The following IFT122 variants were observed in gnomAD, a reference collection of about 807,000 sequenced individuals.
IFT122 encodes the protein intraflagellar transport protein 122 homolog.
A neutral mutation model predicts 161.6 loss-of-function variants in IFT122; 118 were observed. That is an observed-to-expected ratio of 0.73 (90% CI 0.63 to 0.85). The LOEUF (loss-of-function observed/expected upper bound fraction) is 0.85, where lower values mean the gene tolerates loss of function less well. Among genes scored for constraint, IFT122 ranks in the 40% least tolerant of loss-of-function variants. IFT122 has a pLI of 0.00. For missense variants in IFT122, 1,381 were observed against 1,579.6 expected, an observed-to-expected ratio of 0.87 and a Z score of 2.13; for synonymous variants, 550 against 602.4, an observed-to-expected ratio of 0.91 and a Z score of 1.27.
chr3:129,447,118 C>T (rs918770547), intron 1 of IFT122, among the ~76,000 whole-genome samples: 14 of 152,138 alleles, frequency 9.2e-5, no homozygotes, highest in African/African-American at 3.1e-4. Context: ...ATTTTGATTA[C>T]TTGTGTTGGC....
rs1249994771 is a variant in IFT122, at chr3:129,440,390, C to T, written c.41+19C>T. 6.5e-6 allele frequency: 10 copies of T among 1,549,876 alleles called. No individual in the cohort carries two copies. In the East Asian group the frequency reaches 2.2e-4, roughly 34 times the overall value. On this transcript the variant is annotated intron_variant, in intron 1 of 29. Transcript: ENST00000348417. ...AGCACTGGTGAGGAGCGGGGCGGTT[C>T]GCGAAGAGCAGGAGGTCGAGTCCTC...
Position 129,458,649 on chromosome 3 carries a change from T to C in IFT122, c.244T>C (p.Ser82Pro). 1.9e-6 allele frequency: 3 copies of C among 1,613,972 alleles called. No individual in the cohort carries two copies. The highest frequency in any genetic ancestry group is 2.5e-6 in the Non-Finnish European group (3 of 1,179,830). Residue 82 changes from serine (S) to proline (P), a missense_variant, in exon 4 of 30, where the codon TCA becomes CCA. Physicochemically the swap from Ser to Pro is moderately conservative, Grantham distance 74. Around this residue, in one of 7 missense-constraint regions of IFT122, gnomAD observed 134 missense variants for 137.4 expected, o/e 0.98. Transcript: ENST00000348417. ...SADKSVIIWT[S>P]KLEGILKYTH... ...TGACAAAAGCGTTATTATCTGGACA[T>C]CAAAACTGGAAGGCATTCTGAAGTA...
chr3:129,456,158 C>A, intron 3 of IFT122: 1 of 903,202 alleles, frequency 1.1e-6, no homozygotes, highest in Non-Finnish European at 1.6e-6. Flanking sequence ...TGCAGCTGGT[C>A]AGTGAGATCT....
chr3:129,449,879 A>C lies in IFT122; in HGVS notation c.50A>C (p.Asp17Ala). 6.2e-7 allele frequency: 1 copy of C among 1,611,354 alleles called. No individual in the cohort carries two copies. The highest frequency in any genetic ancestry group is 1.1e-5 in the South Asian group (1 of 91,016). The change falls in exon 2 of 30, where the codon GAC becomes GCC. Residue 17 changes from aspartate to alanine, a missense_variant. Asp to Ala is a moderately radical substitution (Grantham distance 126, BLOSUM62 -2). Transcript: ENST00000348417. ...CCTTGTCTTCTGTTCAGTATAAATGACATCGCATTTAAGCCTGATGGAACT... is the reference window on the plus strand; with the variant it reads ...CCTTGTCTTCTGTTCAGTATAAATGCCATCGCATTTAAGCCTGATGGAACT... ...WRDKAEHCIN[D>A]IAFKPDGTQL... is the part of the protein sequence containing the mutation.
rs377100732 is a variant in IFT122 at position 129,520,273 on chromosome 3, C to T, written c.*8C>T. 225 of 1,604,570 alleles carry T rather than the reference C, an allele frequency of 1.4e-4. No homozygotes were observed. The highest frequency in any genetic ancestry group is 1.9e-4 in the Non-Finnish European group (220 of 1,178,078). ...GATGACCCTGGCCCATGACCAGCATCCTGGGGACGGCCTGCACCCTCTGCC... is the reference window on the plus strand; with the variant it reads ...GATGACCCTGGCCCATGACCAGCATTCTGGGGACGGCCTGCACCCTCTGCC... On this transcript the variant is annotated 3_prime_UTR_variant, in exon 30 of 30. Transcript: ENST00000348417.
chr3:129,493,545 A>G (rs1577865602), intron 17 of IFT122, among the ~76,000 whole-genome samples: 4 of 152,160 alleles, frequency 2.6e-5, no homozygotes, highest in Admixed American at 1.3e-4. Context: ...CCACATCCCC[A>G]TGGGTCCATA....
rs116413808 is a variant in IFT122 at position 129,479,709 on chromosome 3, C to G, written c.1351-76C>G. ...TGTAGGTATTTTCTCCCCTTAGGGA[C>G]AGAAAGATCTCCTTGGGGAGGTCTG... is the stretch of plus-strand genomic sequence containing the variant. On this transcript the variant is annotated intron_variant, in intron 12 of 29. Transcript: ENST00000348417. 9,856 of 1,569,578 alleles carry G rather than the reference C, an allele frequency of 6.3e-3. 45 individuals carry two copies. Among genetic ancestry groups the G allele is most frequent in the Non-Finnish European group, 8.0e-3 (9,154 of 1,141,352 alleles).
intron 9 of IFT122, among the ~76,000 whole-genome samples, chr3:129,474,343 A>T (rs1260866342): frequency 6.6e-6 from 1 of 152,202 alleles, no homozygotes; most frequent in African/African-American, 2.4e-5. Context: ...TTCTTTTATA[A>T]ATTGAATATT....
At chr3:129,450,069 T>C in intron 2 of IFT122, 132 bp downstream of exon 2, 1 of 705,002 alleles carries the variant, frequency 1.4e-6, no homozygotes, top group Non-Finnish European at 2.6e-6. Context: ...CCTATTACTT[T>C]TTAATAGGGA....
At chr3:129,458,704 T>C in intron 4 of IFT122, 27 bp downstream of exon 4, 1 of 1,483,986 alleles carries the variant, frequency 6.7e-7, no homozygotes, top group Non-Finnish European at 9.4e-7. Context: ...TACAGTATTA[T>C]GAGTTTGATG....
At chr3:129,469,531 T>A in intron 9 of IFT122, 114 bp downstream of exon 9, 1 of 849,196 alleles carries the variant, frequency 1.2e-6, no homozygotes, top group East Asian at 2.6e-5. Flanking sequence ...TATTGAGCAT[T>A]TGCTGTGGTA....
intron 25 of IFT122, chr3:129,515,164 G>C: frequency 8.2e-6 from 4 of 487,844 alleles, no homozygotes; most frequent in South Asian, 2.1e-5. Context: ...CACGTGCTCC[G>C]CACGGTGCCC....
chr3:129,441,999 T>C lies in IFT122; in HGVS notation c.41+1628T>C, dbSNP rs184825924. 4.6e-5 allele frequency among the ~76,000 whole-genome samples: 7 copies of C among 152,298 alleles called. No individual in the cohort carries two copies. The East Asian group carries it at 1.3e-3, about 29-fold the overall frequency. Reference sequence around the variant, plus strand: ...CTGCCAATTACCACCATGCAGGAATTTGGCCTAGTGTGCTCAGCTCTTCCT... The same window carrying C: ...CTGCCAATTACCACCATGCAGGAATCTGGCCTAGTGTGCTCAGCTCTTCCT... On this transcript the variant is annotated intron_variant, in intron 1 of 29. Coordinates refer to ENST00000348417, the MANE Select transcript of IFT122 (RefSeq NM_052989.3).
In IFT122 at chr3:129,502,854, T is replaced by C. The variant is rs2081739174; in HGVS notation, c.2519T>C (p.Leu840Pro). ...GGTGACCTCAAGTCCCTGGTGCAGC[T>C]GCACGTGGAGACCCAGCGCTGGGAT... Reference protein sequence around the residue: ...KMGDLKSLVQLHVETQRWDEA... With the variant: ...KMGDLKSLVQPHVETQRWDEA... The change falls in exon 20 of 30, where the codon CTG becomes CCG. Residue 840 changes from leucine to proline, a missense_variant. Around this residue, in one of 7 missense-constraint regions of IFT122, gnomAD observed 496 missense variants for 502.5 expected, o/e 0.99. Coordinates refer to ENST00000348417, the MANE Select transcript of IFT122 (RefSeq NM_052989.3). 1 of 1,611,982 alleles carries C rather than the reference T, an allele frequency of 6.2e-7. No homozygotes were observed. Among genetic ancestry groups the C allele is most frequent in the Non-Finnish European group, 8.5e-7 (1 of 1,179,998 alleles).
intron 3 of IFT122, among the ~76,000 whole-genome samples, chr3:129,456,697 C>T (rs1205731178): frequency 6.6e-6 from 1 of 151,396 alleles, no homozygotes; most frequent in Admixed American, 6.6e-5. Context: ...GGCGGATCAC[C>T]TGAGGTCAGG....
At chr3:129,509,652 G>T (rs1464862311) in intron 23 of IFT122, among the ~76,000 whole-genome samples, 1 of 152,200 alleles carries the variant, frequency 6.6e-6, no homozygotes, top group Non-Finnish European at 1.5e-5. Flanking sequence ...AATGCCCGTT[G>T]AAATGATGTA....
chr3:129,518,732 G>A (rs2084336154), intron 27 of IFT122, among the ~76,000 whole-genome samples: 1 of 152,174 alleles, frequency 6.6e-6, no homozygotes, highest in Admixed American at 6.5e-5. Flanking sequence ...CCGCCCTGGG[G>A]TCAGCAGGGA....
chr3:129,449,845 G>A lies in IFT122; in HGVS notation c.42-26G>A, dbSNP rs371160205. ...GACTTCATCATTTTGGTTCCTAATT[G>A]TCTTTTTCCCTTGTCTTCTGTTCAG... On this transcript the variant is annotated intron_variant, in intron 1 of 29. Coordinates refer to ENST00000348417, the MANE Select transcript of IFT122 (RefSeq NM_052989.3). The A allele has an allele frequency of 1.1e-5, 17 of 1,569,164 alleles. No homozygotes were observed. The African/African-American group carries it at 1.6e-4, about 15-fold the overall frequency.
intron 15 of IFT122, among the ~76,000 whole-genome samples, chr3:129,486,591 G>A (rs1158491647): frequency 6.6e-6 from 1 of 152,206 alleles, no homozygotes. Flanking sequence ...TCTGAGCCCT[G>A]AGAGGTCTGG....
Sources: allele counts gnomAD v4.1 joint callset (sites outside exome capture counted in the v4.1 genomes callset), GRCh38; gene constraint gnomAD v4.1.1; regional missense constraint gnomAD v4.1.1; transcripts MANE v1.5; gene names NCBI Gene and HGNC (gene_info 2026-07-23, HGNC 2026-07-21).